PPP3CA: variants seen among roughly 807,000 people sequenced by gnomAD.
PPP3CA encodes CAM-PRP catalytic subunit.
In PPP3CA, 14 loss-of-function variants were observed where a neutral mutation model predicts 66.5. The ratio of observed to expected loss-of-function variants is 0.21; its 90% CI spans 0.14 to 0.33. The LOEUF (loss-of-function observed/expected upper bound fraction) is 0.33, where lower values mean the gene tolerates loss of function less well. PPP3CA is among the 10% of genes least tolerant of loss of function. The pLI is 1.00. For missense variants in PPP3CA, 317 were observed against 639.5 expected, an observed-to-expected ratio of 0.50 and a Z score of 5.44; for synonymous variants, 232 against 226.2, an observed-to-expected ratio of 1.03 and a Z score of -0.23.
intron 1 of PPP3CA, among the ~76,000 whole-genome samples, chr4:101,299,514 T>C (rs963264809): frequency 3.9e-5 from 6 of 152,000 alleles, no homozygotes; most frequent in African/African-American, 1.2e-4. Flanking sequence ...GGCTCAAATA[T>C]ACTCCATTAT....
At position 101,114,914 on chromosome 4, in the gene PPP3CA, AG is replaced by A. The variant is rs758868493; in HGVS notation, c.260-5837del. ...CAATATCACTGTTGGAAAGCTATAAAGCTTTGAAATCACAGGCATGGGGGTT... is the reference window on the plus strand; with the variant it reads ...CAATATCACTGTTGGAAAGCTATAAACTTTGAAATCACAGGCATGGGGGTT... On this transcript the variant is annotated intron_variant, in intron 2 of 13. Transcript: ENST00000394854. 3.3e-5 allele frequency among the ~76,000 whole-genome samples: 5 copies of A among 152,150 alleles called. No individual in the cohort carries two copies. In the East Asian group the frequency reaches 9.6e-4, roughly 29 times the overall value.
chr4:101,093,014 T>C (rs937278528), intron 6 of PPP3CA, among the ~76,000 whole-genome samples: 10 of 152,168 alleles, frequency 6.6e-5, no homozygotes, highest in Non-Finnish European at 1.5e-4. Flanking sequence ...TGGTTCTAGA[T>C]CCTTGAGCAA....
chr4:101,045,684 G>C (rs1278920912), intron 10 of PPP3CA, among the ~76,000 whole-genome samples: 3 of 152,156 alleles, frequency 2.0e-5, no homozygotes, highest in Non-Finnish European at 2.9e-5. Flanking sequence ...AAAGAAGCAG[G>C]AAATGCCTGG....
At chr4:101,278,720 C>G (rs574042079) in intron 1 of PPP3CA, among the ~76,000 whole-genome samples, 1 of 152,200 alleles carries the variant, frequency 6.6e-6, no homozygotes, top group Non-Finnish European at 1.5e-5. Flanking sequence ...ATCTTCAAAG[C>G]ATCCTGATTT....
intron 2 of PPP3CA, among the ~76,000 whole-genome samples, chr4:101,190,865 T>C (rs372490879): frequency 1.3e-5 from 2 of 152,216 alleles, no homozygotes; most frequent in African/African-American, 4.8e-5. Context: ...AATTTATTTC[T>C]TCTACTTCTT....
intron 2 of PPP3CA, among the ~76,000 whole-genome samples, chr4:101,150,448 G>A (rs1344913657): frequency 1.3e-5 from 2 of 152,082 alleles, no homozygotes; most frequent in Non-Finnish European, 2.9e-5. Flanking sequence ...TAAGTTTCAC[G>A]TTTCTCATTC....
intron 6 of PPP3CA, among the ~76,000 whole-genome samples, chr4:101,085,771 T>C (rs1356602675): frequency 6.6e-6 from 1 of 152,040 alleles, no homozygotes; most frequent in East Asian, 1.9e-4. Context: ...TGTTCCACTT[T>C]TATGCTTTTT....
chr4:101,026,658 AAAAAG>A (rs80136355), intron 13 of PPP3CA, among the ~76,000 whole-genome samples: 4 of 127,808 alleles, frequency 3.1e-5, no homozygotes, highest in African/African-American at 5.1e-5. Context: ...GACATGAAAA[AAAAAG>A]AAATTATAAA....
chr4:101,110,999 A>G (rs1001186942), intron 2 of PPP3CA, among the ~76,000 whole-genome samples: 18 of 152,332 alleles, frequency 1.2e-4, no homozygotes, highest in Non-Finnish European at 2.1e-4. Context: ...TAAAAACTTA[A>G]TTAGCACATT....
At chr4:101,312,202 T>C (rs573603334) in intron 1 of PPP3CA, among the ~76,000 whole-genome samples, 23 of 152,316 alleles carry the variant, frequency 1.5e-4, no homozygotes, top group African/African-American at 5.5e-4. Context: ...ATGTATTATA[T>C]AATGCATACA....
At chr4:101,202,463 G>C (rs1506802) in intron 1 of PPP3CA, among the ~76,000 whole-genome samples, 36,529 of 152,038 alleles carry the variant, frequency 0.24, 6,804 homozygotes, top group African/African-American at 0.5. Flanking sequence ...AAGTATATCA[G>C]TATGGGGGAT....
In PPP3CA at chr4:101,025,863, G is replaced by A. The variant is rs1256181071; in HGVS notation, c.*2C>T. The A allele has an allele frequency of 8.9e-6, 12 of 1,351,968 alleles. No individual in the cohort carries two copies. The highest frequency in any genetic ancestry group is 4.4e-5 in the Admixed American group (2 of 45,152). 83.7% of individuals were successfully genotyped at this position (1,351,968 alleles called of 1,614,324 possible). A position where few individuals can be genotyped will look rare whatever the true frequency, so the allele number is the denominator to read the frequency against. On this transcript the variant is annotated 3_prime_UTR_variant, in exon 14 of 14. Transcript: ENST00000394854. ...AAAAAAAAAAAAGTGAACAGGAAGT[G>A]GTCACTGAATATTGCTGCTATTACT...
At chr4:101,341,465 A>G (rs1333997449) in intron 1 of PPP3CA, among the ~76,000 whole-genome samples, 1 of 152,298 alleles carries the variant, frequency 6.6e-6, no homozygotes, top group South Asian at 2.1e-4. Context: ...GACCCAAGGC[A>G]CTCATGGCTT....
chr4:101,073,280 T>A (rs1361332410), intron 8 of PPP3CA, among the ~76,000 whole-genome samples: 4 of 137,898 alleles, frequency 2.9e-5, no homozygotes, highest in African/African-American at 1.0e-4. Context: ...ACTTACATAC[T>A]TTTTTTTTTT....
intron 1 of PPP3CA, among the ~76,000 whole-genome samples, chr4:101,256,239 A>G (rs1726839193): frequency 6.6e-6 from 1 of 151,918 alleles, no homozygotes. Context: ...CAGAGTCTAT[A>G]GAGTTAACTT....
intron 1 of PPP3CA, among the ~76,000 whole-genome samples, chr4:101,207,443 T>G (rs1268478760): frequency 6.6e-6 from 1 of 152,196 alleles, no homozygotes; most frequent in African/African-American, 2.4e-5. Context: ...TTCTTTTTAG[T>G]GTCTGCATGA....
intron 1 of PPP3CA, among the ~76,000 whole-genome samples, chr4:101,249,018 G>A (rs1201430413): frequency 1.3e-5 from 2 of 151,576 alleles, no homozygotes; most frequent in Non-Finnish European, 2.9e-5. Context: ...AAATTAGCCG[G>A]GCGCGGTGGC....
At chr4:101,322,192 GA>G (rs1338997271) in intron 1 of PPP3CA, among the ~76,000 whole-genome samples, 1 of 152,098 alleles carries the variant, frequency 6.6e-6, no homozygotes, top group African/African-American at 2.4e-5. Flanking sequence ...GAAAATGCAT[GA>G]AAATCACTAC....
chr4:101,098,900 A>C (rs1730318902), intron 4 of PPP3CA, among the ~76,000 whole-genome samples: 1 of 152,174 alleles, frequency 6.6e-6, no homozygotes, highest in African/African-American at 2.4e-5. Context: ...GCAGATGGCA[A>C]GACATTTCCT....
Sources: allele counts gnomAD v4.1 joint callset (sites outside exome capture counted in the v4.1 genomes callset), GRCh38; gene constraint gnomAD v4.1.1; transcripts MANE v1.5; gene names NCBI Gene and HGNC (gene_info 2026-07-23, HGNC 2026-07-21).